ENPP6: variants seen among roughly 807,000 people sequenced by gnomAD.
The protein encoded by ENPP6 is ectonucleotide pyrophosphatase/phosphodiesterase 6.
In ENPP6, 32 loss-of-function variants were observed where a neutral mutation model predicts 42.0. The observed-to-expected ratio is 0.76, with a 90% CI of 0.58 to 1.02. The LOEUF is 1.02. Among genes scored for constraint, ENPP6 ranks in the 50% least tolerant of loss-of-function variants. The pLI is 0.00. For synonymous variants in ENPP6, 213 were observed against 216.0 expected (o/e 0.99, Z 0.12); for missense variants, 552 against 566.8 (o/e 0.97, Z 0.27).
At chr4:184,207,808 G>A (rs1183808732) in intron 1 of ENPP6, among the ~76,000 whole-genome samples, 1 of 152,138 alleles carries the variant, frequency 6.6e-6, no homozygotes, top group Non-Finnish European at 1.5e-5. Context: ...AGATGGAGTG[G>A]CTCCAACAAC....
chr4:184,209,532 G>A (rs1471385921), intron 1 of ENPP6, among the ~76,000 whole-genome samples: 1 of 151,726 alleles, frequency 6.6e-6, no homozygotes, highest in African/African-American at 2.4e-5. Context: ...GGGAAGTTTA[G>A]AGAAAAAAGA....
intron 2 of ENPP6, among the ~76,000 whole-genome samples, chr4:184,143,083 C>T (rs761015226): frequency 2.6e-5 from 4 of 152,210 alleles, no homozygotes; most frequent in Admixed American, 6.5e-5. Flanking sequence ...CTGCACCACA[C>T]GGTTTTCCTG....
chr4:184,144,463 G>A (rs79212507), intron 2 of ENPP6, among the ~76,000 whole-genome samples: 209 of 152,322 alleles, frequency 1.4e-3, no homozygotes, highest in Non-Finnish European at 2.7e-3. Flanking sequence ...TTTCCTCTGC[G>A]TGCTCCTTCA....
At chr4:184,135,715 G>T (rs536999557) in intron 2 of ENPP6, among the ~76,000 whole-genome samples, 1 of 152,074 alleles carries the variant, frequency 6.6e-6, no homozygotes, top group East Asian at 1.9e-4. Context: ...ACTGTTCAGT[G>T]AATTGTTAAA....
intron 1 of ENPP6, among the ~76,000 whole-genome samples, chr4:184,156,405 C>A (rs1430149511): frequency 2.0e-5 from 3 of 152,198 alleles, no homozygotes; most frequent in African/African-American, 7.2e-5. Flanking sequence ...AAATTGGTGG[C>A]TGAAAGAACA....
intron 2 of ENPP6, among the ~76,000 whole-genome samples, chr4:184,152,909 G>A (rs1272758395): frequency 7.0e-6 from 1 of 143,148 alleles, no homozygotes; most frequent in Non-Finnish European, 1.5e-5. Flanking sequence ...GCTCAATGAC[G>A]TATGGAAATG....
At chr4:184,153,807 A>G (rs1737100011) in intron 1 of ENPP6, 74 bp from the exon 2 acceptor site, 1 of 1,522,534 alleles carries the variant, frequency 6.6e-7, no homozygotes, top group African/African-American at 1.4e-5. Flanking sequence ...TCTTGATCAT[A>G]TAAGCCATTC....
Position 184,089,709 on chromosome 4 carries a change from A to G in ENPP6, c.*1468T>C, listed in dbSNP as rs564074805. 1.3e-5 allele frequency: 2 copies of G among 151,688 alleles called. No individual in the cohort carries two copies. The highest frequency in any genetic ancestry group is 4.8e-5 in the African/African-American group (2 of 41,326). The allele number at this position is 151,688 out of a possible 1,614,324, so 9.4% of individuals were successfully genotyped here. On this transcript the variant is annotated 3_prime_UTR_variant, in exon 8 of 8. Transcript: ENST00000296741. The stretch of plus-strand genomic sequence containing the variant: ...CCTGTGTTGCCCAAGTTAGTCTGGA[A>G]CTCCTGGCCTCAAGGGTTCGTTTGT...
intron 1 of ENPP6, among the ~76,000 whole-genome samples, chr4:184,211,825 T>C (rs530886415): frequency 2.4e-3 from 361 of 151,814 alleles, no homozygotes; most frequent in African/African-American, 8.4e-3. Flanking sequence ...TGAACATTGA[T>C]GCAAAAATCC....
intron 2 of ENPP6, among the ~76,000 whole-genome samples, chr4:184,133,985 A>G (rs910431489): frequency 2.7e-5 from 4 of 150,812 alleles, no homozygotes; most frequent in Non-Finnish European, 2.9e-5. Context: ...ATATTATTCT[A>G]TTGATGTATT....
chr4:184,128,205 G>A (rs1235960924), intron 2 of ENPP6, among the ~76,000 whole-genome samples: 1 of 152,188 alleles, frequency 6.6e-6, no homozygotes, highest in Non-Finnish European at 1.5e-5. Context: ...TTTTGAGGCA[G>A]AGTCTCACTC....
At chr4:184,215,964 T>C (rs1353408123) in intron 1 of ENPP6, among the ~76,000 whole-genome samples, 2 of 152,226 alleles carry the variant, frequency 1.3e-5, no homozygotes, top group South Asian at 2.1e-4. Context: ...AAAGGCCATG[T>C]CATTGGCTTA....
At chr4:184,148,456 A>G (rs576780188) in intron 2 of ENPP6, among the ~76,000 whole-genome samples, 2 of 152,372 alleles carry the variant, frequency 1.3e-5, no homozygotes, top group East Asian at 3.9e-4. Context: ...TGCAGGAATC[A>G]CTTCTGCAGA....
At chr4:184,201,711 A>C (rs1732907712) in intron 1 of ENPP6, among the ~76,000 whole-genome samples, 2 of 150,746 alleles carry the variant, frequency 1.3e-5, no homozygotes, top group Admixed American at 6.6e-5. Flanking sequence ...GCTGGGAGAC[A>C]TTATTTTAGT....
intron 2 of ENPP6, among the ~76,000 whole-genome samples, chr4:184,147,530 C>T (rs1320212756): frequency 1.3e-5 from 2 of 152,186 alleles, no homozygotes; most frequent in African/African-American, 4.8e-5. Flanking sequence ...CCTGTAATCC[C>T]AGCTCTTTGG....
At chr4:184,176,555 C>T (rs961674968) in intron 1 of ENPP6, among the ~76,000 whole-genome samples, 7 of 152,052 alleles carry the variant, frequency 4.6e-5, no homozygotes, top group African/African-American at 7.2e-5. Context: ...ACACCTCCTG[C>T]GGCACTGAAC....
intron 1 of ENPP6, among the ~76,000 whole-genome samples, chr4:184,201,798 T>C (rs1732909003): frequency 6.6e-6 from 1 of 152,116 alleles, no homozygotes; most frequent in Admixed American, 6.5e-5. Context: ...CTAGCTTCAA[T>C]TGCTGGACAC....
intron 2 of ENPP6, among the ~76,000 whole-genome samples, chr4:184,135,844 A>T (rs1025776499): frequency 6.6e-6 from 1 of 152,170 alleles, no homozygotes; most frequent in African/African-American, 2.4e-5. Flanking sequence ...ATACTGTTCT[A>T]ACACTGCACA....
chr4:184,212,982 A>G (rs1200199622), intron 1 of ENPP6, among the ~76,000 whole-genome samples: 3 of 151,950 alleles, frequency 2.0e-5, no homozygotes, highest in Non-Finnish European at 2.9e-5. Flanking sequence ...AAAACAAGCA[A>G]TGGGGAAAGG....
Sources: gnomAD v4.1 joint callset for allele counts (sites outside exome capture counted in the v4.1 genomes callset) on GRCh38, gnomAD v4.1.1 for gene constraint, MANE v1.5 for transcripts, NCBI Gene and HGNC (gene_info 2026-07-23, HGNC 2026-07-21) for gene names.